MED31: variants seen among roughly 807,000 people sequenced by gnomAD.
MED31 encodes mediator of RNA polymerase II transcription subunit 31.
In MED31, 11 loss-of-function variants were observed where a neutral mutation model predicts 22.0. That is an observed-to-expected ratio of 0.50 (90% CI 0.31 to 0.83). The LOEUF is 0.83. MED31 is among the 40% of genes least tolerant of loss of function. The pLI is 0.04. For synonymous variants in MED31, 60 were observed against 55.1 expected, an observed-to-expected ratio of 1.09 and a Z score of -0.40; for missense variants, 122 against 155.3, an observed-to-expected ratio of 0.79 and a Z score of 1.14.
Position 6,643,909 on chromosome 17 carries a change from G to A in MED31, c.*558C>T. On this transcript the variant is annotated 3_prime_UTR_variant, in exon 4 of 4. Coordinates refer to ENST00000225728, the MANE Select transcript of MED31 (RefSeq NM_016060.3). ...CATGACTAGGTCAAGTGAGGCCACA[G>A]TGATTCAGTGATTCTTAAAGCCACC... is the stretch of plus-strand genomic sequence containing the variant. 1 of 389,134 alleles carries A rather than the reference G, an allele frequency of 2.6e-6. No homozygotes were observed. The highest frequency in any genetic ancestry group is 4.5e-6 in the Non-Finnish European group (1 of 220,376). The allele number at this position is 389,134 out of a possible 1,614,324, so 24.1% of individuals were successfully genotyped here.
chr17:6,650,288 T>G, intron 2 of MED31, 68 bp downstream of exon 2: 1 of 1,491,500 alleles, frequency 6.7e-7, no homozygotes, highest in Non-Finnish European at 9.3e-7. Context: ...GATACTATTT[T>G]GAACTGCAAC....
rs1175740654 is a variant in MED31, at chr17:6,650,372, G to A, written c.90C>T (p.Asn30=). 1.2e-6 allele frequency: 2 copies of A among 1,614,018 alleles called. No homozygotes were observed. Among genetic ancestry groups the A allele is most frequent in the East Asian group, 2.2e-5 (1 of 44,870 alleles). ...LELEFVQCLA[N]PNYLNFLAQR... ...ACAACTTACAATTAAGGTAATTTGG[G>A]TTGGCTAAACATTGCACAAATTCCA... Residue 30 remains asparagine (N), a synonymous_variant, in exon 2 of 4, where the codon AAC becomes AAT. Coordinates refer to ENST00000225728, the MANE Select transcript of MED31 (RefSeq NM_016060.3).
rs1173302370 is a variant in MED31, at chr17:6,643,995, TC to T, written c.*471del. 4.3e-5 allele frequency: 17 copies of T among 398,626 alleles called. No homozygotes were observed. Among genetic ancestry groups the T allele is most frequent in the Non-Finnish European group, 1.3e-5 (3 of 226,420 alleles). 24.7% of individuals were successfully genotyped at this position (398,626 alleles called of 1,614,324 possible). A position where few individuals can be genotyped will look rare whatever the true frequency, so the allele number is the denominator to read the frequency against. On this transcript the variant is annotated 3_prime_UTR_variant, in exon 4 of 4. Transcript: ENST00000225728. The stretch of plus-strand genomic sequence containing the variant: ...CAGAATTCAAGAACCTTTATGCAGT[TC>T]CTGTCCTATGATTTAAAGAGGTCAG...
At position 6,644,310 on chromosome 17, in the gene MED31, C is replaced by A; in HGVS notation, c.*157G>T. The A allele has an allele frequency of 1.3e-6, 1 of 752,186 alleles. No homozygotes were observed. Among genetic ancestry groups the A allele is most frequent in the South Asian group, 3.1e-5 (1 of 32,518 alleles). The allele number at this position is 752,186 out of a possible 1,614,324, so 46.6% of individuals were successfully genotyped here. ...ACAATTCAGGTTTAACAGAAATAGT[C>A]TATTAACAATAAAAAGTTGGATGAA... On this transcript the variant is annotated 3_prime_UTR_variant, in exon 4 of 4. Transcript: ENST00000225728.
intron 3 of MED31, among the ~76,000 whole-genome samples, chr17:6,649,247 A>C (rs1972802259): frequency 6.6e-6 from 1 of 150,814 alleles, no homozygotes; most frequent in Non-Finnish European, 1.5e-5. Flanking sequence ...AACCATTAAA[A>C]GGGAATTGCT....
At chr17:6,650,269 G>T in intron 2 of MED31, 87 bp downstream of exon 2, 1 of 1,392,818 alleles carries the variant, frequency 7.2e-7, no homozygotes, top group Non-Finnish European at 1.0e-6. Flanking sequence ...CTGAGAATGT[G>T]TAAAAGTAGA....
In MED31 at chr17:6,644,380, AG is replaced by A; in HGVS notation, c.*86del. On this transcript the variant is annotated 3_prime_UTR_variant, in exon 4 of 4. Coordinates refer to ENST00000225728, the MANE Select transcript of MED31 (RefSeq NM_016060.3). ...AGGGGCTACCATAATAAAGGTAGAT[AG>A]GAAGAGTTTTCATTTTTTTTGTCTT... The A allele has an allele frequency of 7.0e-7, 1 of 1,430,958 alleles. No individual in the cohort carries two copies. The highest frequency in any genetic ancestry group is 1.6e-5 in the South Asian group (1 of 62,590). 88.6% of individuals were successfully genotyped at this position (1,430,958 alleles called of 1,614,324 possible). A position where few individuals can be genotyped will look rare whatever the true frequency, so the allele number is the denominator to read the frequency against.
At chr17:6,646,976 G>A (rs1335418151) in intron 3 of MED31, among the ~76,000 whole-genome samples, 1 of 152,250 alleles carries the variant, frequency 6.6e-6, no homozygotes, top group Non-Finnish European at 1.5e-5. Flanking sequence ...GGCGAGATAT[G>A]CTGGCAGCAA....
intron 3 of MED31, among the ~76,000 whole-genome samples, chr17:6,647,453 T>A (rs553755089): frequency 6.6e-6 from 1 of 152,354 alleles, no homozygotes; most frequent in South Asian, 2.1e-4. Flanking sequence ...TCTAAAACTT[T>A]AATGTGTATA....
intron 3 of MED31, among the ~76,000 whole-genome samples, chr17:6,646,816 G>T (rs972771767): frequency 5.9e-5 from 9 of 152,240 alleles, no homozygotes; most frequent in African/African-American, 1.2e-4. Flanking sequence ...TGCTGAGGAG[G>T]AGTAGTGAAA....
chr17:6,651,280 G>A (rs1972832132), intron 1 of MED31: 3 of 590,520 alleles, frequency 5.1e-6, no homozygotes, highest in African/African-American at 3.7e-5. Context: ...ACGCCAGGGA[G>A]CTGGTGGGGT....
chr17:6,650,218 C>A, intron 2 of MED31, 138 bp downstream of exon 2: 1 of 1,190,402 alleles, frequency 8.4e-7, no homozygotes. Context: ...TCCCAGTACG[C>A]AATTATATCT....
At position 6,649,211 on chromosome 17, in the gene MED31, TTTTGTTTTTTTTG is replaced by T. The variant is rs1306497530; in HGVS notation, c.203+758_203+770del. ...TGTGAGTTCAAGGTGGGTTGGTTTT[TTTTGTTTTTTTTG>T]TTTTTTTTTTTTAACCATTAAAAGG... On this transcript the variant is annotated intron_variant, in intron 3 of 3. Coordinates refer to ENST00000225728, the MANE Select transcript of MED31 (RefSeq NM_016060.3). 3.0e-4 allele frequency among the ~76,000 whole-genome samples: 5 copies of T among 16,404 alleles called. No individual in the cohort carries two copies. The African/African-American group carries it at 5.6e-3, about 19-fold the overall frequency. The allele number at this position is 16,404 out of a possible 152,430, so 10.8% of individuals were successfully genotyped here.
Position 6,644,644 on chromosome 17 carries a change from T to C in MED31, c.219A>G (p.Leu73=). 1 of 1,588,270 alleles carries C rather than the reference T, an allele frequency of 6.3e-7. No homozygotes were observed. Among genetic ancestry groups the C allele is most frequent in the Non-Finnish European group, 8.5e-7 (1 of 1,169,792 alleles). ...YAKYLKYPQC[L]HMLELLQYEH... is the part of the protein sequence containing the mutation. ...CATATTGGAGCAGCTCTAACATGTG[T>C]AAACACTGAGGGTACCTGGGTTTAA... Residue 73 remains leucine, a synonymous_variant, in exon 4 of 4, where the codon TTA becomes TTG. Coordinates refer to ENST00000225728, the MANE Select transcript of MED31 (RefSeq NM_016060.3).
rs1972775065 is a variant in MED31, at chr17:6,646,942, G to A, written c.204-2283C>T. Among the ~76,000 whole-genome samples the A allele has an allele frequency of 2.0e-5, 3 of 152,242 alleles. No homozygotes were observed. The South Asian group carries it at 6.2e-4, about 32-fold the overall frequency. ...TTCCCATTCGTTCTATTCTGAGATAGGAGAAAACCGCCCTGTGGCTGGAGG... is the reference window on the plus strand; with the variant it reads ...TTCCCATTCGTTCTATTCTGAGATAAGAGAAAACCGCCCTGTGGCTGGAGG... On this transcript the variant is annotated intron_variant, in intron 3 of 3. Transcript: ENST00000225728.
At chr17:6,644,784 T>C in intron 3 of MED31, 125 bp from the exon 4 acceptor site, 1 of 1,131,612 alleles carries the variant, frequency 8.8e-7, no homozygotes, top group Non-Finnish European at 1.2e-6. Flanking sequence ...CTTAGTACAC[T>C]CTGGTAGCAT....
chr17:6,651,315 G>T, intron 1 of MED31, 186 bp downstream of exon 1: 1 of 822,368 alleles, frequency 1.2e-6, no homozygotes, highest in Non-Finnish European at 1.8e-6. Flanking sequence ...AAAGATGTGC[G>T]AACAAACCAA....
In MED31 at chr17:6,644,659, C is replaced by A; in HGVS notation, c.204G>T (p.Lys68Asn). The change falls in exon 4 of 4, where the codon AAG becomes AAT. Residue 68 changes from lysine to asparagine, a missense_variant and splice_region_variant. Lys to Asn is a moderately conservative substitution (Grantham distance 94). Coordinates refer to ENST00000225728, the MANE Select transcript of MED31 (RefSeq NM_016060.3). ...CTAACATGTGTAAACACTGAGGGTA[C>A]CTGGGTTTAAGTTTGTAAGTGAATG... ...WKDPEYAKYL[K>N]YPQCLHMLEL... is the part of the protein sequence containing the mutation. 2 of 1,561,974 alleles carry A rather than the reference C, an allele frequency of 1.3e-6. No individual in the cohort carries two copies. The highest frequency in any genetic ancestry group is 1.7e-6 in the Non-Finnish European group (2 of 1,156,162).
chr17:6,644,736 A>G, intron 3 of MED31, 77 bp from the exon 4 acceptor site: 8 of 1,429,620 alleles, frequency 5.6e-6, no homozygotes, highest in Non-Finnish European at 6.4e-6. Flanking sequence ...TTATTCTCTT[A>G]AAAACGATCT....
Sources: allele counts gnomAD v4.1 joint callset (sites outside exome capture counted in the v4.1 genomes callset), GRCh38; gene constraint gnomAD v4.1.1; transcripts MANE v1.5; gene names NCBI Gene and HGNC (gene_info 2026-07-23, HGNC 2026-07-21).